The following PER3 variants were observed in gnomAD, a reference collection of about 807,000 sequenced individuals.
The protein encoded by PER3 is period circadian protein homolog 3.
In PER3, 107 loss-of-function variants were observed where a neutral mutation model predicts 127.2. That is an observed-to-expected ratio of 0.84 (90% CI 0.72 to 0.99). The LOEUF is 0.99. Ranked by LOEUF, PER3 falls within the 50% of genes least tolerant of loss-of-function variation. The pLI is 0.00. For synonymous variants in PER3, 618 were observed against 585.8 expected (o/e 1.05, Z -0.79); for missense variants, 1,560 against 1,525.8 (o/e 1.02, Z -0.37).
chr1:7,803,942 A>C (rs890938862), intron 10 of PER3, 94 bp downstream of exon 10: 7 of 976,554 alleles, frequency 7.2e-6, no homozygotes, highest in Non-Finnish European at 1.1e-5. Context: ...ATTGACACAT[A>C]AACTAAATAA....
rs1455677561 is a variant in PER3 at position 7,843,438 on chromosome 1, T to C, written c.*683T>C. 1 of 152,402 alleles carries C rather than the reference T, an allele frequency of 6.6e-6. No homozygotes were observed. Among genetic ancestry groups the C allele is most frequent in the East Asian group, 1.9e-4 (1 of 5,340 alleles). 9.4% of individuals were successfully genotyped at this position (152,402 alleles called of 1,614,324 possible). ...AAAATCGATCCGCTTACCATGGGCC[T>C]ATTCTTGTAAGTTTCAGTTAGCATT... On this transcript the variant is annotated 3_prime_UTR_variant, in exon 22 of 22. Coordinates refer to ENST00000377532, the MANE Select transcript of PER3 (RefSeq NM_001377275.1).
At chr1:7,803,016 A>G (rs2097177140) in intron 8 of PER3, 31 bp from the exon 9 acceptor site, 2 of 1,116,534 alleles carry the variant, frequency 1.8e-6, no homozygotes, top group Admixed American at 1.7e-5. Context: ...CCTGATGAGT[A>G]TGCCACCTGT....
intron 16 of PER3, among the ~76,000 whole-genome samples, chr1:7,823,833 CTG>C (rs1241513283): frequency 1.3e-5 from 2 of 152,188 alleles, no homozygotes; most frequent in Non-Finnish European, 2.9e-5. Context: ...GACCCAGTAA[CTG>C]TATAATCCAC....
intron 5 of PER3, among the ~76,000 whole-genome samples, chr1:7,789,326 G>A (rs1266872123): frequency 6.6e-6 from 1 of 152,110 alleles, no homozygotes; most frequent in Non-Finnish European, 1.5e-5. Context: ...GGAACCCAGT[G>A]GGAGATAATT....
At chr1:7,825,619 C>T (rs372310021) in intron 16 of PER3, among the ~76,000 whole-genome samples, 5 of 152,280 alleles carry the variant, frequency 3.3e-5, no homozygotes, top group South Asian at 2.1e-4. Context: ...GGGCCAGGTA[C>T]GGTGGCTCAT....
chr1:7,827,764 C>T lies in PER3; in HGVS notation c.2835C>T (p.Pro945=), dbSNP rs1440317660. The T allele has an allele frequency of 6.2e-7, 1 of 1,614,036 alleles. No individual in the cohort carries two copies. Among genetic ancestry groups the T allele is most frequent in the East Asian group, 2.2e-5 (1 of 44,886 alleles). Reference sequence around the variant, plus strand: ...TACTTCAGGAAGAGATGCCCAGACCCTCTGAATCTCCAGATCAGATGAGAA... The same window carrying T: ...TACTTCAGGAAGAGATGCCCAGACCTTCTGAATCTCCAGATCAGATGAGAA... The part of the protein sequence containing the change: ...LNLLQEEMPR[P]SESPDQMRRN... The change falls in exon 18 of 22, where the codon CCC becomes CCT. Residue 945 remains proline, a synonymous_variant. Coordinates refer to ENST00000377532, the MANE Select transcript of PER3 (RefSeq NM_001377275.1).
rs1558446564 is a variant in PER3, at chr1:7,820,538, G to A, written c.1855G>A (p.Gly619Arg). The change falls in exon 16 of 22, where the codon GGA (glycine) becomes AGA (arginine). Residue 619 changes from glycine (G) to arginine (R), a missense_variant. Transcript: ENST00000377532. ...TNGRSIDTGG[G>R]APQILSTAML... ...TGGACGGTCCATAGACACAGGAGGAGGAGCTCCACAGATCCTGTCCACGGC... is the reference window on the plus strand; with the variant it reads ...TGGACGGTCCATAGACACAGGAGGAAGAGCTCCACAGATCCTGTCCACGGC... The A allele has an allele frequency of 6.2e-7, 1 of 1,614,116 alleles. No individual in the cohort carries two copies. The highest frequency in any genetic ancestry group is 8.5e-7 in the Non-Finnish European group (1 of 1,179,980).
chr1:7,819,875 T>C (rs944194347), intron 14 of PER3, among the ~76,000 whole-genome samples: 3 of 151,926 alleles, frequency 2.0e-5, no homozygotes, highest in Non-Finnish European at 4.4e-5. Context: ...CTTCTTCCAG[T>C]GTGGCCCAGG....
At chr1:7,825,864 C>A (rs1207098282) in intron 16 of PER3, among the ~76,000 whole-genome samples, 1 of 147,322 alleles carries the variant, frequency 6.8e-6, no homozygotes, top group Non-Finnish European at 1.5e-5. Flanking sequence ...GCACTCTAGC[C>A]TGGGCAACAA....
intron 21 of PER3, among the ~76,000 whole-genome samples, chr1:7,841,030 C>A (rs1203856990): frequency 6.6e-6 from 1 of 152,174 alleles, no homozygotes; most frequent in African/African-American, 2.4e-5. Context: ...CCAAGGGTGT[C>A]CAATCTTTTG....
At chr1:7,794,108 G>A (rs2097134379) in intron 6 of PER3, 100 bp downstream of exon 6, 3 of 956,270 alleles carry the variant, frequency 3.1e-6, no homozygotes, top group Admixed American at 1.8e-5. Flanking sequence ...CTTCTGTTGC[G>A]AGATACAAAA....
chr1:7,801,049 T>C (rs2097168410), intron 7 of PER3, 64 bp from the exon 8 acceptor site: 6 of 914,318 alleles, frequency 6.6e-6, no homozygotes, highest in Non-Finnish European at 1.1e-5. Context: ...TGTTAAGTGG[T>C]TAGTTAGGTG....
intron 20 of PER3, chr1:7,836,727 ACT>A (rs1456938843): frequency 3.5e-6 from 1 of 282,270 alleles, no homozygotes; most frequent in Non-Finnish European, 6.6e-6. Flanking sequence ...TTTGTTTTAG[ACT>A]CTTGATTTTT....
In PER3 at chr1:7,842,832, A is replaced by T. The variant is rs2097398008; in HGVS notation, c.*77A>T. ...AGACCTTTTTAAGTCCTGGACTTTTAAATGACCATGAAGTTATCATTGAAT... is the reference window on the plus strand; with the variant it reads ...AGACCTTTTTAAGTCCTGGACTTTTTAATGACCATGAAGTTATCATTGAAT... On this transcript the variant is annotated 3_prime_UTR_variant, in exon 22 of 22. Transcript: ENST00000377532. 8.2e-7 allele frequency: 1 copy of T among 1,225,360 alleles called. No individual in the cohort carries two copies. Among genetic ancestry groups the T allele is most frequent in the Non-Finnish European group, 1.2e-6 (1 of 867,030 alleles). 75.9% of individuals were successfully genotyped at this position (1,225,360 alleles called of 1,614,324 possible). A position where few individuals can be genotyped will look rare whatever the true frequency, so the allele number is the denominator to read the frequency against.
At chr1:7,798,797 C>G in intron 7 of PER3, 124 bp downstream of exon 7, 1 of 717,944 alleles carries the variant, frequency 1.4e-6, no homozygotes, top group Non-Finnish European at 2.3e-6. Flanking sequence ...TTAAACTCTT[C>G]AGGCATTTGA....
chr1:7,789,367 C>G (rs1015403860), intron 5 of PER3, among the ~76,000 whole-genome samples: 1 of 152,234 alleles, frequency 6.6e-6, no homozygotes, highest in African/African-American at 2.4e-5. Context: ...CCATGCTGTT[C>G]TCGTGATAGT....
At position 7,827,625 on chromosome 1, in the gene PER3, T is replaced by C. The variant is rs200609816; in HGVS notation, c.2696T>C (p.Leu899Pro). The change falls in exon 18 of 22, where the codon CTG becomes CCG. Residue 899 changes from leucine (L) to proline (P), a missense_variant. Transcript: ENST00000377532. ...ATGTCGTCAGCAATGAGTCCAACTC[T>C]GGACCCACCCCCTTCAGTCACCAGC... Reference protein sequence around the residue: ...PSMSSAMSPTLDPPPSVTSQR... With the variant: ...PSMSSAMSPTPDPPPSVTSQR... 158 of 1,614,066 alleles carry C rather than the reference T, an allele frequency of 9.8e-5. No homozygotes were observed. The highest frequency in any genetic ancestry group is 1.2e-4 in the Non-Finnish European group (141 of 1,180,034).
At chr1:7,798,405 CATTTT>C in intron 6 of PER3, 115 bp from the exon 7 acceptor site, 2 of 738,842 alleles carry the variant, frequency 2.7e-6, no homozygotes, top group South Asian at 4.0e-5. Flanking sequence ...CATGTTTAAA[CATTTT>C]AGATGTGGGT....
At chr1:7,819,808 A>G (rs1324296409) in intron 14 of PER3, among the ~76,000 whole-genome samples, 1 of 115,378 alleles carries the variant, frequency 8.7e-6, no homozygotes. Flanking sequence ...TTTTTTTTTT[A>G]GTTCGTCAGT....
Sources: allele counts gnomAD v4.1 joint callset (sites outside exome capture counted in the v4.1 genomes callset), GRCh38; gene constraint gnomAD v4.1.1; transcripts MANE v1.5; gene names NCBI Gene and HGNC (gene_info 2026-07-23, HGNC 2026-07-21).